The following OSBPL8 variants were observed in gnomAD, a reference collection of about 807,000 sequenced individuals.
OSBPL8 encodes oxysterol-binding protein-related protein 8.
Under a neutral mutation model 125.5 loss-of-function variants are expected in OSBPL8, and 59 were observed. That is an observed-to-expected ratio of 0.47 (90% CI 0.38 to 0.58). The LOEUF (loss-of-function observed/expected upper bound fraction) is 0.58, where lower values mean the gene tolerates loss of function less well. OSBPL8 is among the 20% of genes least tolerant of loss of function. OSBPL8 has a pLI of 0.00. For missense variants in OSBPL8, 758 were observed against 1,047.8 expected, an observed-to-expected ratio of 0.72 and a Z score of 3.82; for synonymous variants, 330 against 338.9, an observed-to-expected ratio of 0.97 and a Z score of 0.29.
At chr12:76,479,214 T>C (rs1452005702) in intron 2 of OSBPL8, among the ~76,000 whole-genome samples, 3 of 152,122 alleles carry the variant, frequency 2.0e-5, no homozygotes, top group African/African-American at 4.8e-5. Flanking sequence ...ATGAGTATAA[T>C]TGGATTGTAA....
intron 9 of OSBPL8, among the ~76,000 whole-genome samples, chr12:76,393,942 C>T (rs373937617): frequency 6.6e-6 from 1 of 151,998 alleles, no homozygotes; most frequent in Admixed American, 6.6e-5. Context: ...ATCACTTATA[C>T]CAGGGAGTCA....
At chr12:76,362,267 A>T (rs1013309783) in intron 21 of OSBPL8, among the ~76,000 whole-genome samples, 2 of 150,952 alleles carry the variant, frequency 1.3e-5, no homozygotes, top group Non-Finnish European at 2.9e-5. Context: ...CCTGATGAAC[A>T]TCGATGCAAA....
At chr12:76,486,633 A>G (rs1295447159) in intron 2 of OSBPL8, among the ~76,000 whole-genome samples, 1 of 152,238 alleles carries the variant, frequency 6.6e-6, no homozygotes, top group Non-Finnish European at 1.5e-5. Flanking sequence ...TTTTGTTTTA[A>G]TGTATTAGGT....
rs1164723367 is a variant in OSBPL8, at chr12:76,559,435, G to C, written c.-106C>G. ...CCAGGGAGGCGGGACGCAAGGAGCC[G>C]GTTCCTCCGAGGTCGCCGCGGCGCC... is the stretch of plus-strand genomic sequence containing the variant. On this transcript the variant is annotated 5_prime_UTR_variant, in exon 1 of 24. Transcript: ENST00000261183. The C allele has an allele frequency of 6.6e-6, 1 of 152,362 alleles. No homozygotes were observed. The highest frequency in any genetic ancestry group is 1.5e-5 in the Non-Finnish European group (1 of 68,186). 9.4% of individuals were successfully genotyped at this position (152,362 alleles called of 1,614,324 possible). A position where few individuals can be genotyped will look rare whatever the true frequency, so the allele number is the denominator to read the frequency against.
At chr12:76,429,712 G>A (rs1450751257) in intron 4 of OSBPL8, among the ~76,000 whole-genome samples, 1 of 152,000 alleles carries the variant, frequency 6.6e-6, no homozygotes, top group Non-Finnish European at 1.5e-5. Context: ...TATGTATAAG[G>A]TAATCTGGAT....
chr12:76,514,356 T>C (rs1881324043), intron 1 of OSBPL8, among the ~76,000 whole-genome samples: 1 of 151,834 alleles, frequency 6.6e-6, no homozygotes, highest in African/African-American at 2.4e-5. Context: ...TTTCACCATA[T>C]TGGCCAGGCT....
chr12:76,447,938 A>G (rs1287024950), intron 4 of OSBPL8, among the ~76,000 whole-genome samples: 3 of 152,224 alleles, frequency 2.0e-5, no homozygotes, highest in South Asian at 4.1e-4. Flanking sequence ...ACATAACCAA[A>G]TAAGATGTAT....
intron 10 of OSBPL8, among the ~76,000 whole-genome samples, chr12:76,392,299 T>C (rs1953596049): frequency 2.0e-5 from 3 of 152,178 alleles, no homozygotes; most frequent in African/African-American, 7.2e-5. Flanking sequence ...TAGGCAGAAA[T>C]CATTCTTAAT....
chr12:76,469,105 T>G (rs1425734691), intron 2 of OSBPL8, among the ~76,000 whole-genome samples: 1 of 152,192 alleles, frequency 6.6e-6, no homozygotes, highest in East Asian at 1.9e-4. Context: ...GTTTCCAACC[T>G]ATTTTCTCTT....
intron 19 of OSBPL8, among the ~76,000 whole-genome samples, chr12:76,370,174 G>A (rs562213711): frequency 3.3e-5 from 5 of 152,074 alleles, no homozygotes; most frequent in Non-Finnish European, 5.9e-5. Flanking sequence ...TCCTAGATGC[G>A]TCTTACACTG....
In OSBPL8 at chr12:76,375,323, T is replaced by C. The variant is rs1429416398; in HGVS notation, c.1777A>G (p.Ile593Val). The C allele has an allele frequency of 6.2e-7, 1 of 1,612,378 alleles. No individual in the cohort carries two copies. Residue 593 changes from isoleucine to valine, a missense_variant, in exon 17 of 24, where the codon ATT (isoleucine) becomes GTT (valine). Coordinates refer to ENST00000261183, the MANE Select transcript of OSBPL8 (RefSeq NM_020841.5). ...MTLELGGTVNITCQKTGYSAI... is the reference protein window; with the variant it reads ...MTLELGGTVNVTCQKTGYSAI... ...CTGTATCCAGTTTTTTGACATGTAA[T>C]ATTGACTGTTCCACCAAGCTCCAGT...
At chr12:76,439,232 A>G (rs1565898084) in intron 4 of OSBPL8, among the ~76,000 whole-genome samples, 1 of 152,322 alleles carries the variant, frequency 6.6e-6, no homozygotes, top group East Asian at 1.9e-4. Flanking sequence ...TACAAAAATT[A>G]GCTGGGCATG....
intron 1 of OSBPL8, among the ~76,000 whole-genome samples, chr12:76,552,429 A>C (rs1054450337): frequency 1.4e-3 from 4 of 2,896 alleles, no homozygotes; most frequent in Admixed American, 3.0e-3. Context: ...CCATGTCTCC[A>C]AAAAAAAAAA....
At position 76,390,484 on chromosome 12, in the gene OSBPL8, G is replaced by C. The variant is rs879351912; in HGVS notation, c.1103C>G (p.Pro368Arg). 5 of 1,613,732 alleles carry C rather than the reference G, an allele frequency of 3.1e-6. No individual in the cohort carries two copies. Among genetic ancestry groups the C allele is most frequent in the Non-Finnish European group, 4.2e-6 (5 of 1,179,910 alleles). ...CTCCTTTAAAGGCTCAACAGGCTCAGGTTCGATATATGAGTCATCTTGTCT... is the reference window on the plus strand; with the variant it reads ...CTCCTTTAAAGGCTCAACAGGCTCACGTTCGATATATGAGTCATCTTGTCT... ...SERQDDSYIE[P>R]EPVEPLKETT... Residue 368 changes from proline (P) to arginine (R), a missense_variant, in exon 11 of 24, where the codon CCT becomes CGT. Transcript: ENST00000261183.
intron 1 of OSBPL8, among the ~76,000 whole-genome samples, chr12:76,545,975 T>C (rs1443706344): frequency 1.3e-5 from 2 of 152,188 alleles, no homozygotes; most frequent in East Asian, 3.9e-4. Context: ...GGTCCACTTA[T>C]ACACGGATTT....
At chr12:76,481,105 A>C (rs1300316392) in intron 2 of OSBPL8, among the ~76,000 whole-genome samples, 1 of 152,210 alleles carries the variant, frequency 6.6e-6, no homozygotes, top group Non-Finnish European at 1.5e-5. Flanking sequence ...ATACTGATAA[A>C]AGCAAGAAAA....
At chr12:76,387,532 G>C (rs1025348599) in intron 12 of OSBPL8, among the ~76,000 whole-genome samples, 1 of 152,128 alleles carries the variant, frequency 6.6e-6, no homozygotes, top group Non-Finnish European at 1.5e-5. Context: ...TGTTGCAATC[G>C]TTGCAAAAAC....
intron 21 of OSBPL8, 32 bp downstream of exon 21, chr12:76,369,178 TTATA>T (rs766644003): frequency 1.3e-6 from 2 of 1,585,248 alleles, no homozygotes; most frequent in African/African-American, 2.7e-5. Context: ...TTTAACAGAT[TTATA>T]TACCTAGTGT....
intron 4 of OSBPL8, among the ~76,000 whole-genome samples, chr12:76,410,867 T>C (rs924029673): frequency 3.9e-5 from 6 of 152,184 alleles, no homozygotes; most frequent in Admixed American, 3.3e-4. Flanking sequence ...TATCTCTTCT[T>C]TGCTCCTGCA....
Sources: gnomAD v4.1 joint callset for allele counts (sites outside exome capture counted in the v4.1 genomes callset) on GRCh38, gnomAD v4.1.1 for gene constraint, MANE v1.5 for transcripts, NCBI Gene and HGNC (gene_info 2026-07-23, HGNC 2026-07-21) for gene names.